CEP128: variants seen among roughly 807,000 people sequenced by gnomAD.
The protein encoded by CEP128 is centrosomal protein 128kDa.
Under a neutral mutation model 156.7 loss-of-function variants are expected in CEP128, and 132 were observed. The ratio of observed to expected loss-of-function variants is 0.84; its 90% CI spans 0.73 to 0.97. The LOEUF is 0.97. Ranked by LOEUF, CEP128 falls within the 50% of genes least tolerant of loss-of-function variation. The pLI is 0.00. For synonymous variants in CEP128, 469 were observed against 448.9 expected (o/e 1.04, Z -0.57); for missense variants, 1,252 against 1,281.9 (o/e 0.98, Z 0.36).
Position 80,732,471 on chromosome 14 carries a change from GGTGTGTGTGTGT to G in CEP128, c.2806+10592_2806+10603del, listed in dbSNP as rs10672093. Among the ~76,000 whole-genome samples the G allele has an allele frequency of 2.9e-3, 366 of 127,720 alleles. 2 individuals are homozygous for G. Among genetic ancestry groups the G allele is most frequent in the African/African-American group, 8.4e-3 (281 of 33,568 alleles). The allele number at this position is 127,720 out of a possible 152,430, so 83.8% of individuals were successfully genotyped here. A position where few individuals can be genotyped will look rare whatever the true frequency, so the allele number is the denominator to read the frequency against. ...TTCATCTGGCAGAACTGATTAAGCA[GGTGTGTGTGTGT>G]GTGTGTGTGTGTGTGTGTGTGTGTG... is the stretch of plus-strand genomic sequence containing the variant. On this transcript the variant is annotated intron_variant, in intron 19 of 24. Transcript: ENST00000555265.
intron 2 of CEP128, among the ~76,000 whole-genome samples, chr14:80,931,312 AAT>A (rs112094162): frequency 0.37 from 56,898 of 151,958 alleles, 10,877 homozygotes; most frequent in South Asian, 0.51. Context: ...GGTGCTTCTG[AAT>A]ATGAGTCTAT....
At chr14:80,675,222 C>A (rs1896010980) in intron 19 of CEP128, among the ~76,000 whole-genome samples, 1 of 151,944 alleles carries the variant, frequency 6.6e-6, no homozygotes, top group Non-Finnish European at 1.5e-5. Flanking sequence ...CATTTGAGTT[C>A]TTTTCTGATT....
intron 19 of CEP128, among the ~76,000 whole-genome samples, chr14:80,725,314 C>T (rs1897980695): frequency 6.6e-6 from 1 of 151,710 alleles, no homozygotes; most frequent in African/African-American, 2.4e-5. Context: ...TCCCAAGTAG[C>T]TGGGATTACA....
intron 20 of CEP128, among the ~76,000 whole-genome samples, chr14:80,568,316 G>A (rs1891002521): frequency 6.6e-6 from 1 of 152,148 alleles, no homozygotes; most frequent in Non-Finnish European, 1.5e-5. Flanking sequence ...TACAGCACTG[G>A]ATTGTTAACT....
intron 19 of CEP128, among the ~76,000 whole-genome samples, chr14:80,668,832 C>A (rs530727567): frequency 6.6e-6 from 1 of 152,030 alleles, no homozygotes; most frequent in Non-Finnish European, 1.5e-5. Context: ...TAGGGGTGAG[C>A]CTTTCCTGTG....
At chr14:80,611,887 G>C (rs1893007915) in intron 19 of CEP128, among the ~76,000 whole-genome samples, 1 of 151,966 alleles carries the variant, frequency 6.6e-6, no homozygotes, top group Admixed American at 6.6e-5. Flanking sequence ...GTGAAACCCT[G>C]TCACTACTAA....
chr14:80,820,924 A>T (rs1229872102), intron 13 of CEP128, among the ~76,000 whole-genome samples: 1 of 152,188 alleles, frequency 6.6e-6, no homozygotes, highest in East Asian at 1.9e-4. Flanking sequence ...ATATTCTATG[A>T]TACAAACACA....
At chr14:80,622,499 A>G (rs1460494657) in intron 19 of CEP128, among the ~76,000 whole-genome samples, 1 of 149,978 alleles carries the variant, frequency 6.7e-6, no homozygotes, top group Non-Finnish European at 1.5e-5. Context: ...AGCAAAAGAA[A>G]CTACCATCAG....
At chr14:80,812,353 T>A (rs1884605550) in intron 13 of CEP128, among the ~76,000 whole-genome samples, 1 of 152,236 alleles carries the variant, frequency 6.6e-6, no homozygotes, top group Non-Finnish European at 1.5e-5. Context: ...TGAATAGTGT[T>A]GCAATGAACA....
chr14:80,662,124 C>T (rs1389256181), intron 19 of CEP128, among the ~76,000 whole-genome samples: 1 of 152,110 alleles, frequency 6.6e-6, no homozygotes, highest in African/African-American at 2.4e-5. Context: ...TCAAATGACC[C>T]TGTATCAGAG....
chr14:80,821,171 G>T (rs950040564), intron 13 of CEP128, among the ~76,000 whole-genome samples: 11 of 152,206 alleles, frequency 7.2e-5, no homozygotes, highest in African/African-American at 2.7e-4. Flanking sequence ...AAGGCTGAGT[G>T]CAATCTCATT....
chr14:80,662,946 A>T (rs906846872), intron 19 of CEP128, among the ~76,000 whole-genome samples: 1 of 152,224 alleles, frequency 6.6e-6, no homozygotes, highest in African/African-American at 2.4e-5. Flanking sequence ...CATTTTATTT[A>T]ACAAATAGTC....
intron 23 of CEP128, among the ~76,000 whole-genome samples, chr14:80,517,046 C>A (rs764786126): frequency 1.3e-4 from 20 of 152,080 alleles, no homozygotes; most frequent in Non-Finnish European, 2.1e-4. Context: ...TCTGCCTCCT[C>A]CCCCTAATTA....
intron 19 of CEP128, among the ~76,000 whole-genome samples, chr14:80,617,413 T>G (rs1893268850): frequency 6.6e-6 from 1 of 151,802 alleles, no homozygotes; most frequent in Non-Finnish European, 1.5e-5. Flanking sequence ...CTTTTTGCAT[T>G]TTTAGTAGAG....
At chr14:80,698,180 G>T (rs1346214869) in intron 19 of CEP128, among the ~76,000 whole-genome samples, 1 of 151,806 alleles carries the variant, frequency 6.6e-6, no homozygotes, top group Non-Finnish European at 1.5e-5. Context: ...TTGTTGGACT[G>T]GACATAGTAC....
At chr14:80,808,848 T>C (rs1566641314) in intron 13 of CEP128, among the ~76,000 whole-genome samples, 1 of 152,072 alleles carries the variant, frequency 6.6e-6, no homozygotes, top group African/African-American at 2.4e-5. Flanking sequence ...ACGCCACTAA[T>C]GTGTCTTCAG....
intron 19 of CEP128, among the ~76,000 whole-genome samples, chr14:80,664,023 G>T (rs10143950): frequency 0.027 from 4,056 of 152,160 alleles, 179 homozygotes; most frequent in African/African-American, 0.092. Flanking sequence ...ACCCATATCT[G>T]CCCCTGGCAG....
chr14:80,499,240 G>C (rs971587991), intron 24 of CEP128, among the ~76,000 whole-genome samples: 2 of 152,154 alleles, frequency 1.3e-5, no homozygotes, highest in African/African-American at 4.8e-5. Flanking sequence ...AGTTAGCCGG[G>C]TAGACCTTGA....
intron 24 of CEP128, among the ~76,000 whole-genome samples, chr14:80,504,247 C>A (rs1411392496): frequency 6.6e-6 from 1 of 152,106 alleles, no homozygotes; most frequent in Non-Finnish European, 1.5e-5. Context: ...CAGTGGTGAA[C>A]AAAACAGGCA....
Sources: allele counts gnomAD v4.1 joint callset (sites outside exome capture counted in the v4.1 genomes callset), GRCh38; gene constraint gnomAD v4.1.1; transcripts MANE v1.5; gene names NCBI Gene and HGNC (gene_info 2026-07-23, HGNC 2026-07-21).